Variants in EXOC1 observed in about 807,000 individuals in gnomAD.
EXOC1 encodes exocyst complex component 1.
A neutral mutation model predicts 107.7 loss-of-function variants in EXOC1; 67 were observed. The ratio of observed to expected loss-of-function variants is 0.62; its 90% CI spans 0.51 to 0.76. The LOEUF (loss-of-function observed/expected upper bound fraction) is 0.76, where lower values mean the gene tolerates loss of function less well. EXOC1 is among the 30% of genes least tolerant of loss of function. EXOC1 has a pLI of 0.00. For synonymous variants in EXOC1, 348 were observed against 353.5 expected (o/e 0.98, Z 0.17); for missense variants, 833 against 1,055.7 (o/e 0.79, Z 2.92).
intron 1 of EXOC1, among the ~76,000 whole-genome samples, 188 bp from the exon 2 acceptor site, chr4:55,858,126 A>G (rs1721163784): frequency 6.6e-6 from 1 of 152,176 alleles, no homozygotes; most frequent in South Asian, 2.1e-4. Flanking sequence ...TTAGAGTTTG[A>G]TAACACTGGT....
rs1721779458 is a variant in EXOC1 at position 55,864,525 on chromosome 4, A to T, written c.415+139A>T. 1.2e-5 allele frequency: 9 copies of T among 762,716 alleles called. No homozygotes were observed. The South Asian group carries it at 2.0e-4, about 17-fold the overall frequency. 47.2% of individuals were successfully genotyped at this position (762,716 alleles called of 1,614,324 possible). On this transcript the variant is annotated intron_variant, in intron 4 of 18. Transcript: ENST00000381295. ...TAAAATAATTTTTCTTATTGCAGAAATTATGCTTGTTTATTGTAGAATATT... is the reference window on the plus strand; with the variant it reads ...TAAAATAATTTTTCTTATTGCAGAATTTATGCTTGTTTATTGTAGAATATT...
At chr4:55,862,329 G>A (rs1200365620) in intron 3 of EXOC1, among the ~76,000 whole-genome samples, 1 of 141,148 alleles carries the variant, frequency 7.1e-6, no homozygotes, top group Non-Finnish European at 1.5e-5. Flanking sequence ...TTTTTTTTTT[G>A]CATTTTATGT....
chr4:55,903,940 T>C (rs1726311833), intron 18 of EXOC1, among the ~76,000 whole-genome samples: 1 of 152,202 alleles, frequency 6.6e-6, no homozygotes, highest in African/African-American at 2.4e-5. Flanking sequence ...TTACATTTTA[T>C]GTAATCACTA....
At chr4:55,888,612 AC>A (rs904739246) in intron 10 of EXOC1, among the ~76,000 whole-genome samples, 84 of 151,926 alleles carry the variant, frequency 5.5e-4, no homozygotes, top group Non-Finnish European at 6.9e-4. Flanking sequence ...AAAAAAAAAA[AC>A]ATTTTAAAGT....
chr4:55,900,440 T>C (rs1725768980), intron 17 of EXOC1: 2 of 152,188 alleles, frequency 1.3e-5, no homozygotes, highest in African/African-American at 4.8e-5. Context: ...TTTTCCTTAC[T>C]TGAGTCATTT....
chr4:55,864,602 T>TG (rs1721785607), intron 4 of EXOC1, among the ~76,000 whole-genome samples: 1 of 152,214 alleles, frequency 6.6e-6, no homozygotes, highest in Non-Finnish European at 1.5e-5. Flanking sequence ...CAATAACTAC[T>TG]GTTAGCACTT....
At chr4:55,899,029 G>T (rs1725578856) in intron 16 of EXOC1, among the ~76,000 whole-genome samples, 1 of 152,106 alleles carries the variant, frequency 6.6e-6, no homozygotes, top group Non-Finnish European at 1.5e-5. Flanking sequence ...TTGCATTACA[G>T]CTGTACCAAT....
At chr4:55,886,390 A>T (rs1723876861) in intron 10 of EXOC1, among the ~76,000 whole-genome samples, 1 of 151,814 alleles carries the variant, frequency 6.6e-6, no homozygotes, top group South Asian at 2.1e-4. Flanking sequence ...CCATATATAC[A>T]AAAAAATCAA....
chr4:55,867,588 A>G (rs146819112), intron 4 of EXOC1, among the ~76,000 whole-genome samples: 8 of 151,348 alleles, frequency 5.3e-5, no homozygotes, highest in Admixed American at 4.6e-4. Flanking sequence ...AAATGAACTG[A>G]AACATCTAGA....
chr4:55,891,478 A>C, intron 13 of EXOC1, 56 bp downstream of exon 13: 1 of 1,152,076 alleles, frequency 8.7e-7, no homozygotes, highest in Non-Finnish European at 1.3e-6. Context: ...TAATTAGCTT[A>C]ATTAATATGT....
chr4:55,868,481 CT>C lies in EXOC1; in HGVS notation c.564del (p.Phe188LeufsTer12). 1 of 1,613,570 alleles carries C rather than the reference CT, an allele frequency of 6.2e-7. No individual in the cohort carries two copies. Among genetic ancestry groups the C allele is most frequent in the Non-Finnish European group, 8.5e-7 (1 of 1,179,684 alleles). ...CEYAISNAEA[F>X]AEKLSRELQV... is the part of the protein sequence containing the mutation. ...AATATGCAATCTCGAATGCGGAAGC[CT>C]TTGCAGAAAAATTGTCCAGAGAGCT... On this transcript the variant is annotated frameshift_variant, in exon 5 of 19. Coordinates refer to ENST00000381295, the MANE Select transcript of EXOC1 (RefSeq NM_001024924.2). LOFTEE classifies it high-confidence loss of function.
At chr4:55,898,379 A>G (rs899797402) in intron 16 of EXOC1, among the ~76,000 whole-genome samples, 2 of 152,248 alleles carry the variant, frequency 1.3e-5, no homozygotes, top group Non-Finnish European at 2.9e-5. Flanking sequence ...AATCTATCTC[A>G]GGCCTAAAGG....
chr4:55,899,932 C>T (rs1725699751), intron 17 of EXOC1, 48 bp downstream of exon 17: 1 of 1,451,638 alleles, frequency 6.9e-7, no homozygotes, highest in South Asian at 1.3e-5. Context: ...AACCTATACA[C>T]ATAAGTTTGC....
At chr4:55,875,378 G>A in intron 8 of EXOC1, 1 of 930,056 alleles carries the variant, frequency 1.1e-6, no homozygotes, top group Admixed American at 6.2e-5. Flanking sequence ...TTTAAGAAAA[G>A]AATAAGTAAG....
chr4:55,881,957 G>T (rs985574430), intron 9 of EXOC1, among the ~76,000 whole-genome samples: 1 of 152,104 alleles, frequency 6.6e-6, no homozygotes, highest in Non-Finnish European at 1.5e-5. Flanking sequence ...TAGAGGCAAG[G>T]GTTGCTGTGA....
intron 13 of EXOC1, 128 bp downstream of exon 13, chr4:55,891,550 GA>G: frequency 1.6e-6 from 1 of 645,094 alleles, no homozygotes; most frequent in Non-Finnish European, 2.6e-6. Flanking sequence ...ATTTTTTTAT[GA>G]TGTAAGGATT....
intron 2 of EXOC1, among the ~76,000 whole-genome samples, chr4:55,859,247 C>A (rs1030578330): frequency 2.6e-5 from 4 of 151,944 alleles, no homozygotes; most frequent in Non-Finnish European, 5.9e-5. Context: ...TGTATTGAAT[C>A]TTTGTGTCCA....
chr4:55,859,555 C>T (rs1197579132), intron 2 of EXOC1, among the ~76,000 whole-genome samples: 3 of 151,634 alleles, frequency 2.0e-5, no homozygotes, highest in Non-Finnish European at 2.9e-5. Context: ...ATTTTTCTTC[C>T]TTCCTTTATA....
At position 55,864,228 on chromosome 4, in the gene EXOC1, A is replaced by G. The variant is rs377279272; in HGVS notation, c.257A>G (p.Glu86Gly). The change falls in exon 4 of 19, where the codon GAA becomes GGA. Residue 86 changes from glutamate to glycine, a missense_variant and splice_region_variant. Coordinates refer to ENST00000381295, the MANE Select transcript of EXOC1 (RefSeq NM_001024924.2). The stretch of plus-strand genomic sequence containing the variant: ...ATCTTTTGTATATTTTTATTTTAGG[A>G]AAATCCTGAATTTGATTTACACTTT... ...AVVDAKDAIK[E>G]NPEFDLHFEK... 2.7e-5 allele frequency: 41 copies of G among 1,534,788 alleles called. No individual in the cohort carries two copies. Among genetic ancestry groups the G allele is most frequent in the Non-Finnish European group, 3.5e-5 (40 of 1,133,106 alleles).
Sources: gnomAD v4.1 joint callset for allele counts (sites outside exome capture counted in the v4.1 genomes callset) on GRCh38, gnomAD v4.1.1 for gene constraint, MANE v1.5 for transcripts, NCBI Gene and HGNC (gene_info 2026-07-23, HGNC 2026-07-21) for gene names.